The following TOM1L1 variants were observed in gnomAD, a reference collection of about 807,000 sequenced individuals.
The protein encoded by TOM1L1 is TOM1-like protein 1.
A neutral mutation model predicts 63.4 loss-of-function variants in TOM1L1; 64 were observed. The ratio of observed to expected loss-of-function variants is 1.01; its 90% CI spans 0.83 to 1.24. The LOEUF (loss-of-function observed/expected upper bound fraction) is 1.24, where lower values mean the gene tolerates loss of function less well. Ranked by LOEUF, TOM1L1 falls within the 50% of genes most tolerant of loss-of-function variation. TOM1L1 has a pLI of 0.00. For missense variants in TOM1L1, 536 were observed against 567.0 expected (o/e 0.95, Z 0.55); for synonymous variants, 166 against 194.4 (o/e 0.85, Z 1.22).
intron 10 of TOM1L1, chr17:54,937,501 C>A: frequency 2.4e-6 from 1 of 412,032 alleles, no homozygotes; most frequent in Admixed American, 3.9e-5. Context: ...TTGTTCAGCC[C>A]AATGGCCAAT....
At chr17:54,923,166 G>A (rs2048710941) in intron 7 of TOM1L1, among the ~76,000 whole-genome samples, 1 of 152,028 alleles carries the variant, frequency 6.6e-6, no homozygotes, top group African/African-American at 2.4e-5. Flanking sequence ...TTCCACCTTT[G>A]GCTATTGTGA....
chr17:54,917,151 TTAG>T (rs1364514195), intron 7 of TOM1L1: 1 of 152,228 alleles, frequency 6.6e-6, no homozygotes, highest in East Asian at 1.9e-4. Context: ...CTTATCTTCC[TTAG>T]TAGATGATAG....
At chr17:54,943,464 G>A (rs866946228) in intron 11 of TOM1L1, among the ~76,000 whole-genome samples, 96 of 151,336 alleles carry the variant, frequency 6.3e-4, no homozygotes, top group African/African-American at 2.2e-3. Flanking sequence ...GTGTGTGTGT[G>A]TGTGTGTGTG....
At chr17:54,949,744 C>T in intron 13 of TOM1L1, 121 bp downstream of exon 13, 1 of 864,606 alleles carries the variant, frequency 1.2e-6, no homozygotes, top group Middle Eastern at 2.3e-4. Flanking sequence ...TATTTTTAAG[C>T]TAATGAAACA....
intron 7 of TOM1L1, among the ~76,000 whole-genome samples, chr17:54,927,029 A>T (rs1368165154): frequency 6.6e-6 from 1 of 152,228 alleles, no homozygotes; most frequent in Non-Finnish European, 1.5e-5. Context: ...TGGAAAGAAG[A>T]GTTGGAAGGA....
Position 54,913,881 on chromosome 17 carries a change from G to A in TOM1L1, c.498+8G>A, listed in dbSNP as rs781652924. 1 of 1,602,636 alleles carries A rather than the reference G, an allele frequency of 6.2e-7. No individual in the cohort carries two copies. The highest frequency in any genetic ancestry group is 1.1e-5 in the South Asian group (1 of 90,814). On this transcript the variant is annotated splice_region_variant and intron_variant, in intron 5 of 15. Transcript: ENST00000575882. ...GAAACAGCAAGACAAGAGGTAGGAG[G>A]CCTTTCTTTGACCCATGGAGACTAT... is the stretch of plus-strand genomic sequence containing the variant.
intron 3 of TOM1L1, among the ~76,000 whole-genome samples, chr17:54,907,235 C>T (rs2048427455): frequency 6.7e-6 from 1 of 150,080 alleles, no homozygotes; most frequent in African/African-American, 2.5e-5. Flanking sequence ...AGGAGTGAGG[C>T]ACTTCTGTAG....
Position 54,939,017 on chromosome 17 carries a change from C to A in TOM1L1, c.1127C>A (p.Pro376His). 6.3e-7 allele frequency: 1 copy of A among 1,589,632 alleles called. No homozygotes were observed. The highest frequency in any genetic ancestry group is 8.6e-7 in the Non-Finnish European group (1 of 1,159,606). Reference protein sequence around the residue: ...NLLALENTEIPPFAQRTSQNL... With the variant: ...NLLALENTEIHPFAQRTSQNL... ...CTAGCCTTGGAGAATACAGAGATAC[C>A]CCCGTAAGTATGTCAGTAACACTGC... Residue 376 changes from proline (P) to histidine (H), a missense_variant, in exon 11 of 16, where the codon CCC becomes CAC. Physicochemically the swap from Pro to His is moderately conservative, Grantham distance 77. Coordinates refer to ENST00000575882, the MANE Select transcript of TOM1L1 (RefSeq NM_005486.3).
chr17:54,932,301 TAATTAGATCGGA>T (rs760548882), intron 8 of TOM1L1, among the ~76,000 whole-genome samples: 2 of 152,112 alleles, frequency 1.3e-5, no homozygotes, highest in Non-Finnish European at 2.9e-5. Context: ...CATGCACTGG[TAATTAGATCGGA>T]ACAAAACAGG....
At chr17:54,914,526 G>T (rs2048554544) in intron 5 of TOM1L1, 113 bp from the exon 6 acceptor site, 1 of 773,504 alleles carries the variant, frequency 1.3e-6, no homozygotes, top group Non-Finnish European at 2.2e-6. Context: ...ACTCTGGGCA[G>T]ATACCCTGTA....
intron 10 of TOM1L1, 97 bp from the exon 11 acceptor site, chr17:54,938,827 T>C: frequency 4.6e-6 from 3 of 645,676 alleles, no homozygotes; most frequent in South Asian, 5.4e-5. Flanking sequence ...TTTTTTTTCT[T>C]TTTCTTTTTT....
chr17:54,960,775 G>A, intron 15 of TOM1L1, 148 bp downstream of exon 15: 3 of 646,988 alleles, frequency 4.6e-6, no homozygotes, highest in East Asian at 2.7e-5. Flanking sequence ...TTCAAATTGT[G>A]CTGAACCATT....
intron 5 of TOM1L1, 111 bp from the exon 6 acceptor site, chr17:54,914,528 T>TA: frequency 1.3e-6 from 1 of 779,980 alleles, no homozygotes; most frequent in Non-Finnish European, 2.2e-6. Flanking sequence ...TCTGGGCAGA[T>TA]ACCCTGTACA....
chr17:54,906,447 A>AG (rs1346423449), intron 3 of TOM1L1, among the ~76,000 whole-genome samples: 11 of 150,464 alleles, frequency 7.3e-5, no homozygotes, highest in African/African-American at 2.7e-4. Flanking sequence ...CCAGTCCTCC[A>AG]GCTTGAGCAA....
At chr17:54,932,226 T>G (rs1249032419) in intron 8 of TOM1L1, among the ~76,000 whole-genome samples, 1 of 152,090 alleles carries the variant, frequency 6.6e-6, no homozygotes, top group East Asian at 1.9e-4. Context: ...CTCACAACTC[T>G]AAGGGGGTGC....
intron 3 of TOM1L1, among the ~76,000 whole-genome samples, chr17:54,911,926 C>T (rs1250455266): frequency 6.6e-6 from 1 of 152,210 alleles, no homozygotes; most frequent in Non-Finnish European, 1.5e-5. Flanking sequence ...TTGCATGCCA[C>T]ACAAACTTCT....
chr17:54,916,086 A>G (rs2048584222), intron 7 of TOM1L1: 1 of 482,504 alleles, frequency 2.1e-6, no homozygotes. Context: ...ATAATTTATT[A>G]TAAGTTATAA....
At chr17:54,936,378 T>A (rs553670313) in intron 8 of TOM1L1, 28 of 292,310 alleles carry the variant, frequency 9.6e-5, no homozygotes, top group Non-Finnish European at 1.8e-4. Context: ...GATGCACTTA[T>A]AGATGAAATA....
intron 1 of TOM1L1, among the ~76,000 whole-genome samples, chr17:54,903,236 C>A (rs987562487): frequency 3.3e-5 from 5 of 152,228 alleles, no homozygotes; most frequent in Non-Finnish European, 7.3e-5. Context: ...GACCAAACAA[C>A]CTAGATTTGA....
Sources: gnomAD v4.1 joint callset for allele counts (sites outside exome capture counted in the v4.1 genomes callset) on GRCh38, gnomAD v4.1.1 for gene constraint, MANE v1.5 for transcripts, NCBI Gene and HGNC (gene_info 2026-07-23, HGNC 2026-07-21) for gene names.